ADGRB3: variants seen among roughly 807,000 people sequenced by gnomAD.
ADGRB3 encodes brain-specific angiogenesis inhibitor 3.
A neutral mutation model predicts 193.4 loss-of-function variants in ADGRB3; 37 were observed. The ratio of observed to expected loss-of-function variants is 0.19; its 90% CI spans 0.15 to 0.25. The LOEUF is 0.25. Ranked by LOEUF, ADGRB3 falls within the 10% of genes least tolerant of loss-of-function variation. ADGRB3 has a pLI of 1.00. For synonymous variants in ADGRB3, 690 were observed against 644.2 expected, an observed-to-expected ratio of 1.07 and a Z score of -1.08; for missense variants, 1,637 against 1,852.9, an observed-to-expected ratio of 0.88 and a Z score of 2.14.
At chr6:68,785,662 G>A (rs1007462036) in intron 3 of ADGRB3, among the ~76,000 whole-genome samples, 2 of 152,034 alleles carry the variant, frequency 1.3e-5, no homozygotes, top group Non-Finnish European at 2.9e-5. Flanking sequence ...AATCCTTTGT[G>A]TATATACACA....
intron 17 of ADGRB3, among the ~76,000 whole-genome samples, chr6:69,108,512 GGAGT>G (rs1372331708): frequency 1.3e-5 from 2 of 151,922 alleles, no homozygotes; most frequent in African/African-American, 2.4e-5. Context: ...TTGCAATGCA[GGAGT>G]GAGAAAGGCA....
At chr6:68,661,441 ATGTGTGTATACATATATATG>A (rs1768641508) in intron 3 of ADGRB3, among the ~76,000 whole-genome samples, 2 of 114,700 alleles carry the variant, frequency 1.7e-5, no homozygotes, top group East Asian at 2.4e-4. Context: ...ACATATATAT[ATGTGTGTATACATATATATG>A]TGTGTATATA....
At chr6:68,841,136 C>T (rs1424656641) in intron 3 of ADGRB3, among the ~76,000 whole-genome samples, 1 of 152,008 alleles carries the variant, frequency 6.6e-6, no homozygotes, top group African/African-American at 2.4e-5. Flanking sequence ...AGATACAGAC[C>T]CCAATACAAT....
chr6:69,298,254 G>A (rs1322483777), intron 20 of ADGRB3, among the ~76,000 whole-genome samples: 1 of 151,958 alleles, frequency 6.6e-6, no homozygotes, highest in African/African-American at 2.4e-5. Context: ...TGGTCAGTGT[G>A]ATAGGCCATC....
intron 3 of ADGRB3, among the ~76,000 whole-genome samples, chr6:68,771,385 TACACACACACACAC>T (rs3040851): frequency 6.8e-6 from 1 of 147,982 alleles, no homozygotes; most frequent in Non-Finnish European, 1.5e-5. Flanking sequence ...AGGGAATATA[TACACACACACACAC>T]ACACACACAC....
chr6:68,952,678 A>T (rs1477504545), intron 6 of ADGRB3, among the ~76,000 whole-genome samples: 1 of 152,184 alleles, frequency 6.6e-6, no homozygotes, highest in Non-Finnish European at 1.5e-5. Context: ...TGCAAAAAAA[A>T]GTGCAATTAA....
intron 17 of ADGRB3, among the ~76,000 whole-genome samples, chr6:69,093,081 G>A (rs534987659): frequency 2.6e-5 from 4 of 151,540 alleles, no homozygotes; most frequent in African/African-American, 9.7e-5. Flanking sequence ...GGACTGAGGA[G>A]GATAGCCTTG....
intron 5 of ADGRB3, among the ~76,000 whole-genome samples, chr6:68,940,785 A>G (rs1013201945): frequency 1.3e-5 from 2 of 151,916 alleles, no homozygotes; most frequent in Non-Finnish European, 2.9e-5. Context: ...CCGGCTAGTC[A>G]GGAGGCTGAG....
chr6:68,833,430 A>T (rs188644951), intron 3 of ADGRB3, among the ~76,000 whole-genome samples: 9 of 151,734 alleles, frequency 5.9e-5, no homozygotes, highest in East Asian at 3.9e-4. Context: ...CAATATATCG[A>T]GTCCTTCAGT....
intron 17 of ADGRB3, among the ~76,000 whole-genome samples, chr6:69,162,785 G>A (rs1163856317): frequency 6.6e-6 from 1 of 152,064 alleles, no homozygotes; most frequent in African/African-American, 2.4e-5. Flanking sequence ...TTACTTTAAT[G>A]GAATCATTAT....
intron 3 of ADGRB3, among the ~76,000 whole-genome samples, chr6:68,752,803 A>G (rs1374968353): frequency 6.6e-6 from 1 of 152,158 alleles, no homozygotes; most frequent in Non-Finnish European, 1.5e-5. Flanking sequence ...TGATTGATAG[A>G]AAGTTTTTTA....
intron 3 of ADGRB3, among the ~76,000 whole-genome samples, chr6:68,691,497 C>CT (rs1765071970): frequency 6.6e-6 from 1 of 151,952 alleles, no homozygotes; most frequent in Admixed American, 6.6e-5. Flanking sequence ...TACCTACTAT[C>CT]TCAGTTGAAT....
At chr6:68,760,930 A>G (rs553022673) in intron 3 of ADGRB3, among the ~76,000 whole-genome samples, 3 of 152,346 alleles carry the variant, frequency 2.0e-5, no homozygotes, top group South Asian at 4.1e-4. Flanking sequence ...TTCAAATACT[A>G]TAATTTTTCC....
At chr6:68,935,830 T>G (rs925860604) in intron 4 of ADGRB3, among the ~76,000 whole-genome samples, 1 of 152,170 alleles carries the variant, frequency 6.6e-6, no homozygotes, top group Admixed American at 6.5e-5. Flanking sequence ...TTAAATAAAT[T>G]TTAATTCCAT....
intron 3 of ADGRB3, among the ~76,000 whole-genome samples, chr6:68,794,586 C>A (rs1767171531): frequency 6.6e-6 from 1 of 152,090 alleles, no homozygotes. Context: ...ATTGTTATTC[C>A]CACTTTACAT....
Position 69,344,058 on chromosome 6 carries a change from C to G in ADGRB3, c.3459+4554C>G, listed in dbSNP as rs538263562. Among the ~76,000 whole-genome samples, 9 of 152,302 alleles carry G rather than the reference C, an allele frequency of 5.9e-5. No homozygotes were observed. In the South Asian group the frequency reaches 8.3e-4, roughly 14 times the overall value. ...ATTCTTCTCATCTTTCTGTCTCTGG[C>G]TGTGCCTGGCTCTAAGACAGTCTTA... On this transcript the variant is annotated intron_variant, in intron 26 of 31. Transcript: ENST00000370598.
chr6:68,978,264 T>C (rs1768804366), intron 10 of ADGRB3, among the ~76,000 whole-genome samples: 1 of 151,298 alleles, frequency 6.6e-6, no homozygotes, highest in Non-Finnish European at 1.5e-5. Flanking sequence ...GCTGTACCTG[T>C]AGAAAAGTAT....
intron 13 of ADGRB3, among the ~76,000 whole-genome samples, chr6:69,027,875 C>T (rs1454338457): frequency 1.3e-5 from 2 of 152,212 alleles, no homozygotes; most frequent in Admixed American, 1.3e-4. Flanking sequence ...AAGAATCCAA[C>T]TACAGAAGCA....
chr6:69,371,473 GTTTGTATA>G (rs1769705714), intron 29 of ADGRB3, among the ~76,000 whole-genome samples: 1 of 151,902 alleles, frequency 6.6e-6, no homozygotes, highest in African/African-American at 2.4e-5. Context: ...TTGCCCAAAG[GTTTGTATA>G]TTTTTCCAAC....
Sources: gnomAD v4.1 joint callset for allele counts (sites outside exome capture counted in the v4.1 genomes callset) on GRCh38, gnomAD v4.1.1 for gene constraint, MANE v1.5 for transcripts, NCBI Gene and HGNC (gene_info 2026-07-23, HGNC 2026-07-21) for gene names.